GSK3B: variants seen among roughly 807,000 people sequenced by gnomAD.
GSK3B encodes the protein glycogen synthase kinase 3 beta, also known as glycogen synthase kinase-3 beta.
In GSK3B, 15 loss-of-function variants were observed where a neutral mutation model predicts 56.4. The ratio of observed to expected loss-of-function variants is 0.27; its 90% CI spans 0.18 to 0.41. GSK3B has a LOEUF of 0.41. Among genes scored for constraint, GSK3B ranks in the 10% least tolerant of loss-of-function variants. The pLI is 1.00. For synonymous variants in GSK3B, 181 were observed against 188.9 expected (o/e 0.96, Z 0.34); for missense variants, 300 against 513.4 (o/e 0.58, Z 4.02).
At chr3:119,883,414 C>T (rs980099741) in intron 7 of GSK3B, among the ~76,000 whole-genome samples, 19 of 151,708 alleles carry the variant, frequency 1.3e-4, no homozygotes, top group Admixed American at 7.9e-4. Context: ...TATCCTTAGA[C>T]GTGATCATGA....
chr3:120,003,830 T>A (rs9812149), intron 1 of GSK3B, among the ~76,000 whole-genome samples: 9,369 of 152,236 alleles, frequency 0.062, 891 homozygotes, highest in African/African-American at 0.21. Context: ...AGGAAGATCT[T>A]TGCAGAACAC....
intron 5 of GSK3B, among the ~76,000 whole-genome samples, chr3:119,914,023 C>T (rs1439702138): frequency 6.6e-6 from 1 of 151,928 alleles, no homozygotes; most frequent in Non-Finnish European, 1.5e-5. Flanking sequence ...CGAGACAAAA[C>T]GTTAATACCC....
intron 1 of GSK3B, among the ~76,000 whole-genome samples, chr3:120,073,219 T>TG (rs2058340361): frequency 1.4e-5 from 1 of 70,632 alleles, no homozygotes; most frequent in Admixed American, 1.7e-4. Context: ...CAAAAAAAAT[T>TG]AAAAAAAAAA....
intron 1 of GSK3B, among the ~76,000 whole-genome samples, chr3:120,007,814 C>T (rs866014260): frequency 6.6e-6 from 1 of 152,190 alleles, no homozygotes; most frequent in African/African-American, 2.4e-5. Context: ...CAATATCATA[C>T]TGAATGGGCA....
intron 4 of GSK3B, among the ~76,000 whole-genome samples, chr3:119,920,385 G>A (rs1327162441): frequency 6.6e-6 from 1 of 152,112 alleles, no homozygotes; most frequent in African/African-American, 2.4e-5. Context: ...GATTACAGGT[G>A]TGCTCCAGGA....
intron 7 of GSK3B, among the ~76,000 whole-genome samples, chr3:119,898,714 A>T (rs759783654): frequency 1.3e-5 from 2 of 152,138 alleles, no homozygotes; most frequent in African/African-American, 2.4e-5. Context: ...TTAACTGTGG[A>T]GGATATGTTC....
At chr3:119,907,110 T>C (rs373133218) in intron 6 of GSK3B, among the ~76,000 whole-genome samples, 49 of 152,246 alleles carry the variant, frequency 3.2e-4, no homozygotes, top group Middle Eastern at 3.4e-3. Context: ...CTAACTGTTA[T>C]AGTCAAGCGG....
intron 1 of GSK3B, among the ~76,000 whole-genome samples, chr3:120,061,601 A>AC (rs2058237512): frequency 6.6e-6 from 1 of 152,188 alleles, no homozygotes; most frequent in Admixed American, 6.5e-5. Flanking sequence ...CAGGATTAAA[A>AC]TTTTCATAAA....
chr3:120,007,691 GA>G (rs1437075848), intron 1 of GSK3B, among the ~76,000 whole-genome samples: 1 of 152,164 alleles, frequency 6.6e-6, no homozygotes, highest in Non-Finnish European at 1.5e-5. Flanking sequence ...AATAGATGCA[GA>G]AAAGGCATTC....
At chr3:119,891,373 A>AAG (rs1187529755) in intron 7 of GSK3B, among the ~76,000 whole-genome samples, 1 of 152,052 alleles carries the variant, frequency 6.6e-6, no homozygotes, top group Non-Finnish European at 1.5e-5. Flanking sequence ...CCACAAACAT[A>AAG]AGACATTTTA....
chr3:119,869,579 A>G (rs939985734), intron 8 of GSK3B, among the ~76,000 whole-genome samples: 4 of 152,240 alleles, frequency 2.6e-5, no homozygotes, highest in African/African-American at 9.6e-5. Context: ...AGTGAATTTC[A>G]GCTGTACTAA....
At chr3:119,977,022 C>T (rs2057414856) in intron 2 of GSK3B, among the ~76,000 whole-genome samples, 1 of 151,980 alleles carries the variant, frequency 6.6e-6, no homozygotes, top group African/African-American at 2.4e-5. Context: ...AATTCAAGTC[C>T]ACAAATATCA....
chr3:120,002,389 T>A lies in GSK3B; in HGVS notation c.89-150A>T, dbSNP rs113113643. 12,046 of 416,424 alleles carry A rather than the reference T, an allele frequency of 0.029. 1,077 individuals carry two copies. The highest frequency in any genetic ancestry group is 0.21 in the African/African-American group (10,037 of 48,636). The allele number at this position is 416,424 out of a possible 1,614,324, so 25.8% of individuals were successfully genotyped here. ...GTCTCACTCTTGTCACCCAGGCTGT[T>A]GTGCAGTCACACAATCTCGGCTCAC... On this transcript the variant is annotated intron_variant, in intron 1 of 10. Coordinates refer to ENST00000264235, the MANE Select transcript of GSK3B (RefSeq NM_001146156.2).
chr3:119,877,078 C>T (rs1307769394), intron 7 of GSK3B, among the ~76,000 whole-genome samples: 1 of 152,134 alleles, frequency 6.6e-6, no homozygotes, highest in South Asian at 2.1e-4. Flanking sequence ...AGATTCCATG[C>T]TGTATTACCA....
intron 2 of GSK3B, among the ~76,000 whole-genome samples, chr3:119,974,714 C>T (rs1459251342): frequency 2.0e-5 from 3 of 152,108 alleles, no homozygotes; most frequent in Non-Finnish European, 4.4e-5. Context: ...GAAAATAAAG[C>T]ATATAAGAAG....
At chr3:120,012,935 C>T (rs2057791787) in intron 1 of GSK3B, among the ~76,000 whole-genome samples, 1 of 152,126 alleles carries the variant, frequency 6.6e-6, no homozygotes, top group Non-Finnish European at 1.5e-5. Context: ...AATCATCCTA[C>T]CTCAGCCTCC....
Position 119,894,564 on chromosome 3 carries a change from G to C in GSK3B, c.813+11191C>G, listed in dbSNP as rs1216882972. On this transcript the variant is annotated intron_variant, in intron 7 of 10. Coordinates refer to ENST00000264235, the MANE Select transcript of GSK3B (RefSeq NM_001146156.2). ...CCATTTGTGTATCTTCTTTAGAGAAGTGTCTATGCCGATTCTTTGTCCATT... is the reference window on the plus strand; with the variant it reads ...CCATTTGTGTATCTTCTTTAGAGAACTGTCTATGCCGATTCTTTGTCCATT... Among the ~76,000 whole-genome samples, 6 of 152,060 alleles carry C rather than the reference G, an allele frequency of 3.9e-5. No homozygotes were observed. The South Asian group carries it at 6.2e-4, about 16-fold the overall frequency.
chr3:120,015,718 C>CTAGG (rs1160962047), intron 1 of GSK3B, among the ~76,000 whole-genome samples: 1 of 144,692 alleles, frequency 6.9e-6, no homozygotes, highest in East Asian at 2.1e-4. Flanking sequence ...CCCATGTGCA[C>CTAGG]TAGGTTCAGC....
At chr3:119,961,292 A>T (rs1004442191) in intron 2 of GSK3B, among the ~76,000 whole-genome samples, 2 of 152,140 alleles carry the variant, frequency 1.3e-5, no homozygotes, top group Non-Finnish European at 2.9e-5. Flanking sequence ...TATATATAAC[A>T]ACAGCACTAA....
Sources: allele counts gnomAD v4.1 joint callset (sites outside exome capture counted in the v4.1 genomes callset), GRCh38; gene constraint gnomAD v4.1.1; transcripts MANE v1.5; gene names NCBI Gene and HGNC (gene_info 2026-07-23, HGNC 2026-07-21).